PADI3: variants seen among roughly 807,000 people sequenced by gnomAD.
PADI3 encodes the protein peptidyl arginine deiminase 3.
PADI3 carries 53 observed loss-of-function variants against 71.5 expected under a neutral mutation model. The observed-to-expected ratio is 0.74, with a 90% CI of 0.59 to 0.93. PADI3 has a LOEUF of 0.93. Ranked by LOEUF, PADI3 falls within the 40% of genes least tolerant of loss-of-function variation. PADI3 has a pLI of 0.00. For missense variants in PADI3, 821 were observed against 868.0 expected (o/e 0.95, Z 0.68); for synonymous variants, 361 against 347.5 (o/e 1.04, Z -0.43).
chr1:17,278,403 A>AT lies in PADI3; in HGVS notation c.1555+1533dup, dbSNP rs554815581. Among the ~76,000 whole-genome samples, 452 of 151,984 alleles carry AT rather than the reference A, an allele frequency of 3.0e-3. 3 individuals carry two copies. The highest frequency in any genetic ancestry group is 0.01 in the African/African-American group (424 of 41,460). On this transcript the variant is annotated intron_variant, in intron 13 of 15. Coordinates refer to ENST00000375460, the MANE Select transcript of PADI3 (RefSeq NM_016233.2). ...CCACCACGCCTGGCTAATTTTTTGT[A>AT]TTTTTTGTAGAGATGGAGTCTCACC...
At chr1:17,277,616 CT>C (rs1458233412) in intron 13 of PADI3, among the ~76,000 whole-genome samples, 1 of 152,252 alleles carries the variant, frequency 6.6e-6, no homozygotes, top group African/African-American at 2.4e-5. Context: ...GGCACAGATT[CT>C]CTGCTGCCTA....
chr1:17,273,420 G>T lies in PADI3; in HGVS notation c.1128G>T (p.Leu376=), dbSNP rs1380802816. 1.2e-6 allele frequency: 2 copies of T among 1,612,956 alleles called. No individual in the cohort carries two copies. The highest frequency in any genetic ancestry group is 2.7e-5 in the African/African-American group (2 of 74,900). The stretch of plus-strand genomic sequence containing the variant: ...TTGACTCCCCAAGGAATGGGGAACT[G>T]CAGGATTTCCCTTACAAAAGAATCC... ...VVFDSPRNGE[L]QDFPYKRILG... The change falls in exon 10 of 16, where the codon CTG becomes CTT. Residue 376 remains leucine (L), a synonymous_variant. Coordinates refer to ENST00000375460, the MANE Select transcript of PADI3 (RefSeq NM_016233.2).
chr1:17,273,418 C>G lies in PADI3; in HGVS notation c.1126C>G (p.Leu376Val), dbSNP rs773888064. ...CTTTGACTCCCCAAGGAATGGGGAA[C>G]TGCAGGATTTCCCTTACAAAAGAAT... is the stretch of plus-strand genomic sequence containing the variant. Reference protein sequence around the residue: ...VVFDSPRNGELQDFPYKRILG... With the variant: ...VVFDSPRNGEVQDFPYKRILG... Residue 376 changes from leucine to valine, a missense_variant, in exon 10 of 16, where the codon CTG becomes GTG. Physicochemically the swap from Leu to Val is conservative, Grantham distance 32. Coordinates refer to ENST00000375460, the MANE Select transcript of PADI3 (RefSeq NM_016233.2). 9 of 1,612,974 alleles carry G rather than the reference C, an allele frequency of 5.6e-6. No homozygotes were observed. In the South Asian group the frequency reaches 8.8e-5, roughly 16 times the overall value.
At chr1:17,279,405 T>C (rs1307464671) in intron 13 of PADI3, among the ~76,000 whole-genome samples, 2 of 152,148 alleles carry the variant, frequency 1.3e-5, no homozygotes, top group Non-Finnish European at 2.9e-5. Context: ...AGAGGGGATG[T>C]CACTGGCCCA....
At position 17,270,926 on chromosome 1, in the gene PADI3, G is replaced by C; in HGVS notation, c.879G>C (p.Val293=). The C allele has an allele frequency of 6.2e-7, 1 of 1,614,108 alleles. No homozygotes were observed. Among genetic ancestry groups the C allele is most frequent in the Non-Finnish European group, 8.5e-7 (1 of 1,180,006 alleles). The part of the protein sequence containing the change: ...PIFTDTVVFR[V]APWIMTPSTL... ...TCACTGACACTGTGGTGTTCCGAGT[G>C]GCACCCTGGATCATGACGCCCAGCA... The change falls in exon 8 of 16, where the codon GTG becomes GTC. Residue 293 remains valine (V), a synonymous_variant. Coordinates refer to ENST00000375460, the MANE Select transcript of PADI3 (RefSeq NM_016233.2).
In PADI3 at chr1:17,283,154, G is replaced by C; in HGVS notation, c.*75G>C. The stretch of plus-strand genomic sequence containing the variant: ...GTGGTGGAGACAGAGACAGGCCCCT[G>C]AACGATAAGCACCAAGAGACCCCAA... On this transcript the variant is annotated 3_prime_UTR_variant, in exon 16 of 16. Transcript: ENST00000375460. The C allele has an allele frequency of 8.6e-7, 1 of 1,158,512 alleles. No homozygotes were observed. The highest frequency in any genetic ancestry group is 2.4e-5 in the East Asian group (1 of 42,106). 71.8% of individuals were successfully genotyped at this position (1,158,512 alleles called of 1,614,324 possible). A position where few individuals can be genotyped will look rare whatever the true frequency, so the allele number is the denominator to read the frequency against.
intron 4 of PADI3, 136 bp downstream of exon 4, chr1:17,265,856 A>C: frequency 1.4e-6 from 1 of 716,266 alleles, no homozygotes; most frequent in Non-Finnish European, 2.4e-6. Flanking sequence ...AAAAACAGAA[A>C]CCAGGCATGG....
chr1:17,253,784 A>G (rs77781884), intron 1 of PADI3, among the ~76,000 whole-genome samples: 3,258 of 152,248 alleles, frequency 0.021, 115 homozygotes, highest in African/African-American at 0.073. Flanking sequence ...TGCCTAATGG[A>G]GCCAGGACTC....
At chr1:17,281,047 G>T (rs2100606034) in intron 15 of PADI3, among the ~76,000 whole-genome samples, 1 of 152,364 alleles carries the variant, frequency 6.6e-6, no homozygotes, top group South Asian at 2.1e-4. Flanking sequence ...GACATTTGTG[G>T]AGTGAATGAA....
intron 7 of PADI3, among the ~76,000 whole-genome samples, 169 bp downstream of exon 7, chr1:17,270,580 G>A (rs1404538458): frequency 1.3e-5 from 2 of 151,918 alleles, no homozygotes; most frequent in Admixed American, 1.3e-4. Context: ...CCCCAGGGAG[G>A]TTGAGGTTGC....
chr1:17,276,993 C>T (rs906468669), intron 13 of PADI3, 117 bp downstream of exon 13: 4 of 794,454 alleles, frequency 5.0e-6, no homozygotes, highest in Non-Finnish European at 8.0e-6. Context: ...TCCCCAAATT[C>T]AGGGCTTCTC....
At position 17,283,988 on chromosome 1, in the gene PADI3, G is replaced by A. The variant is rs1213846485; in HGVS notation, c.*909G>A. ...AGGAGAGAACGCTGCCTCTCCTCTG[G>A]ATTGGTCTCAGGCTCTCTGTTGGCC... On this transcript the variant is annotated 3_prime_UTR_variant, in exon 16 of 16. Coordinates refer to ENST00000375460, the MANE Select transcript of PADI3 (RefSeq NM_016233.2). The A allele has an allele frequency of 6.6e-6, 1 of 152,184 alleles. No individual in the cohort carries two copies. Among genetic ancestry groups the A allele is most frequent in the East Asian group, 1.9e-4 (1 of 5,176 alleles). 9.4% of individuals were successfully genotyped at this position (152,184 alleles called of 1,614,324 possible). A position where few individuals can be genotyped will look rare whatever the true frequency, so the allele number is the denominator to read the frequency against.
At chr1:17,276,112 A>T (rs28504120) in intron 11 of PADI3, among the ~76,000 whole-genome samples, 58,486 of 152,026 alleles carry the variant, frequency 0.38, 13,314 homozygotes, top group East Asian at 0.63. Flanking sequence ...AGGCGGGCAG[A>T]TCACTTGAGG....
At chr1:17,257,061 G>T (rs111390087) in intron 1 of PADI3, among the ~76,000 whole-genome samples, 7,987 of 134,446 alleles carry the variant, frequency 0.059, 499 homozygotes, top group South Asian at 0.14. Context: ...AAAAAAAAAG[G>T]CTTCCTTGGG....
At chr1:17,277,736 G>C (rs1271263461) in intron 13 of PADI3, among the ~76,000 whole-genome samples, 1 of 152,250 alleles carries the variant, frequency 6.6e-6, no homozygotes, top group Non-Finnish European at 1.5e-5. Flanking sequence ...GGGAGGGCTG[G>C]GGTTGGGCAC....
chr1:17,250,846 C>G (rs1293022387), intron 1 of PADI3, among the ~76,000 whole-genome samples: 2 of 152,144 alleles, frequency 1.3e-5, no homozygotes, highest in Non-Finnish European at 2.9e-5. Context: ...GGGCCTGGCT[C>G]CTCCCCCGCA....
chr1:17,274,152 C>G, intron 10 of PADI3, among the ~76,000 whole-genome samples: 1 of 152,244 alleles, frequency 6.6e-6, no homozygotes, highest in Non-Finnish European at 1.5e-5. Context: ...TCTCCTGACC[C>G]TTGATGTTGT....
chr1:17,280,725 T>C lies in PADI3; in HGVS notation c.1690T>C (p.Cys564Arg). 1 of 1,613,864 alleles carries C rather than the reference T, an allele frequency of 6.2e-7. No homozygotes were observed. The highest frequency in any genetic ancestry group is 8.5e-7 in the Non-Finnish European group (1 of 1,179,966). ...GAAGCGGGAGCTGGGCCTGGCAGAG[T>C]GTGACATCATTGACATCCCACAGCT... ...VLKRELGLAE[C>R]DIIDIPQLFK... Residue 564 changes from cysteine (C) to arginine (R), a missense_variant, in exon 15 of 16, where the codon TGT (cysteine) becomes CGT (arginine). By Grantham distance (180) the Cys-to-Arg change is radical (BLOSUM62 -3). Transcript: ENST00000375460.
intron 2 of PADI3, among the ~76,000 whole-genome samples, chr1:17,261,413 T>C (rs2073101777): frequency 6.6e-6 from 1 of 152,128 alleles, no homozygotes; most frequent in African/African-American, 2.4e-5. Flanking sequence ...CACTTTACAG[T>C]TGAGGAAATT....
Sources: gnomAD v4.1 joint callset for allele counts (sites outside exome capture counted in the v4.1 genomes callset) on GRCh38, gnomAD v4.1.1 for gene constraint, MANE v1.5 for transcripts, NCBI Gene and HGNC (gene_info 2026-07-23, HGNC 2026-07-21) for gene names.